MGST1: variants seen among roughly 807,000 people sequenced by gnomAD.
MGST1 encodes the protein microsomal glutathione S-transferase 1.
MGST1 carries 5 observed loss-of-function variants against 8.9 expected under a neutral mutation model. The observed-to-expected ratio is 0.56, with a 90% CI of 0.29 to 1.19. MGST1 has a LOEUF of 1.19. MGST1 is among the 50% of genes most tolerant of loss of function. MGST1 has a pLI of 0.08. For synonymous variants in MGST1, 54 were observed against 67.8 expected, an observed-to-expected ratio of 0.80 and a Z score of 1.00; for missense variants, 182 against 187.4, an observed-to-expected ratio of 0.97 and a Z score of 0.17.
At position 16,560,553 on chromosome 12, in the gene MGST1, A is replaced by ACT; in HGVS notation, n.483-28975_483-28974insCT. 2.1e-6 allele frequency: 3 copies of ACT among 1,414,568 alleles called. No homozygotes were observed. In the South Asian group the frequency reaches 3.9e-5, roughly 18 times the overall value. The allele number at this position is 1,414,568 out of a possible 1,614,324, so 87.6% of individuals were successfully genotyped here. ...CACCAAAGAGCCTAGAATAAGAAACATTTTTTTTTTTTTACAAACTCTTAC... is the reference window on the plus strand; with the variant it reads ...CACCAAAGAGCCTAGAATAAGAAACACTTTTTTTTTTTTTTACAAACTCTTAC... On this transcript the variant is annotated intron_variant and non_coding_transcript_variant, in intron 4 of 4. Coordinates refer to the MGST1 transcript ENST00000538857. The surrounding 1 kb of genome is among the most constrained non-coding windows in gnomAD (Gnocchi z 5.0).
rs1414300636 is a variant in MGST1 at position 16,544,817 on chromosome 12, A to G, written n.483-44711A>G. On this transcript the variant is annotated intron_variant and non_coding_transcript_variant, in intron 4 of 4. Coordinates refer to the MGST1 transcript ENST00000538857. This position sits in a 1 kb window ranked among gnomAD's most constrained non-coding sequence, Gnocchi z 4.8. ...ACTTGGAATTATGAAAGTTCCATTGATGTGATAGGGAGGATGACTATTAAA... is the reference window on the plus strand; with the variant it reads ...ACTTGGAATTATGAAAGTTCCATTGGTGTGATAGGGAGGATGACTATTAAA... Among the ~76,000 whole-genome samples, 2 of 152,044 alleles carry G rather than the reference A, an allele frequency of 1.3e-5. No individual in the cohort carries two copies. Among genetic ancestry groups the G allele is most frequent in the African/African-American group, 4.8e-5 (2 of 41,432 alleles).
chr12:16,523,354 G>GAC, intron 4 of MGST1, among the ~76,000 whole-genome samples: 1 of 152,080 alleles, frequency 6.6e-6, no homozygotes, highest in Non-Finnish European at 1.5e-5. Context: ...TAAAATTGGG[G>GAC]AGTTTAAAAG....
chr12:16,369,102 A>C (rs988658981), downstream of MGST1, among the ~76,000 whole-genome samples: 4 of 152,262 alleles, frequency 2.6e-5, no homozygotes, highest in African/African-American at 4.8e-5. This position sits in a 1 kb window ranked among gnomAD's most constrained non-coding sequence, Gnocchi z 4.8. Context: ...AAATAAAGAG[A>C]ATAGTGAAGG....
chr12:16,584,832 C>T lies in MGST1; in HGVS notation n.483-4696C>T, dbSNP rs533333497. Among the ~76,000 whole-genome samples, 55 of 152,274 alleles carry T rather than the reference C, an allele frequency of 3.6e-4. No homozygotes were observed. In the South Asian group the frequency reaches 0.011, roughly 31 times the overall value. On this transcript the variant is annotated intron_variant and non_coding_transcript_variant, in intron 4 of 4. Coordinates refer to the MGST1 transcript ENST00000538857. The surrounding 1 kb of genome is among the most constrained non-coding windows in gnomAD (Gnocchi z 5.2). ...CTGAAGCAGGAGTGTAACTGGTATA[C>T]ATTGGATGAAGGGCTCTGATCCTCT...
intron 4 of MGST1, among the ~76,000 whole-genome samples, chr12:16,459,044 C>T (rs889878814): frequency 1.3e-5 from 2 of 151,982 alleles, no homozygotes; most frequent in Non-Finnish European, 1.5e-5. Flanking sequence ...ATGCTTTAAA[C>T]GACAAAAGTC....
At chr12:16,556,992 C>T (rs998161287) in intron 4 of MGST1, among the ~76,000 whole-genome samples, 7 of 152,116 alleles carry the variant, frequency 4.6e-5, no homozygotes, top group Non-Finnish European at 5.9e-5. Flanking sequence ...AGAATGTGAA[C>T]AGTTTTAGAG....
Position 16,503,415 on chromosome 12 carries a change from G to C in MGST1, n.483-86113G>C, listed in dbSNP as rs1941518385. On this transcript the variant is annotated intron_variant and non_coding_transcript_variant, in intron 4 of 4. Coordinates refer to the MGST1 transcript ENST00000538857. This position sits in a 1 kb window ranked among gnomAD's most constrained non-coding sequence, Gnocchi z 4.8. The stretch of plus-strand genomic sequence containing the variant: ...CCCCAGGCTTGGGCAGAAGGTGGCA[G>C]AGGTGGTAATCAGTAAAAATCTAAT... 6.6e-6 allele frequency among the ~76,000 whole-genome samples: 1 copy of C among 152,160 alleles called. No homozygotes were observed. Among genetic ancestry groups the C allele is most frequent in the Non-Finnish European group, 1.5e-5 (1 of 68,038 alleles).
intron 4 of MGST1, among the ~76,000 whole-genome samples, chr12:16,480,522 T>C (rs2137144297): frequency 6.6e-6 from 1 of 152,224 alleles, no homozygotes; most frequent in East Asian, 1.9e-4. Context: ...ACATATCTGA[T>C]GAAGGAATTA....
chr12:16,501,791 A>G (rs1263546232), intron 4 of MGST1, among the ~76,000 whole-genome samples: 2 of 152,192 alleles, frequency 1.3e-5, no homozygotes, highest in African/African-American at 4.8e-5. Context: ...TTTTATCTCC[A>G]TAAGAGAATG....
In MGST1 at chr12:16,500,311, G is replaced by T. The variant is rs979754559; in HGVS notation, n.483-89217G>T. On this transcript the variant is annotated intron_variant and non_coding_transcript_variant, in intron 4 of 4. Transcript: ENST00000538857. The surrounding 1 kb of genome is among the most constrained non-coding windows in gnomAD (Gnocchi z 4.3). ...ATAGTTGGAAAATATAAAATATTTG[G>T]CTGAGATGCCTGACAGACAACAAAT... Among the ~76,000 whole-genome samples, 2 of 152,102 alleles carry T rather than the reference G, an allele frequency of 1.3e-5. No homozygotes were observed. Among genetic ancestry groups the T allele is most frequent in the African/African-American group, 4.8e-5 (2 of 41,428 alleles).
At chr12:16,384,229 C>T (rs572057204) in intron 1 of MGST1, among the ~76,000 whole-genome samples, 3 of 152,230 alleles carry the variant, frequency 2.0e-5, no homozygotes, top group African/African-American at 7.2e-5. Flanking sequence ...TAAATGTGCC[C>T]TCCTGCCCCC....
At chr12:16,415,961 C>A (rs1019483628) in intron 1 of MGST1, among the ~76,000 whole-genome samples, 1 of 152,204 alleles carries the variant, frequency 6.6e-6, no homozygotes, top group African/African-American at 2.4e-5. Context: ...AAGAAATAAT[C>A]TTTCATTTCA....
chr12:16,373,077 TA>T (rs1183844826), intron 3 of MGST1, among the ~76,000 whole-genome samples: 3 of 150,190 alleles, frequency 2.0e-5, no homozygotes, highest in Non-Finnish European at 3.0e-5. Flanking sequence ...TATTTGGCCA[TA>T]AAAAAAATTC....
intron 4 of MGST1, among the ~76,000 whole-genome samples, chr12:16,578,788 AG>A (rs765543168): frequency 2.6e-5 from 4 of 151,928 alleles, no homozygotes; most frequent in Non-Finnish European, 4.4e-5. Context: ...ACTGAACTCC[AG>A]CCTGGGAGAC....
chr12:16,431,781 T>G (rs1940941622), intron 1 of MGST1, among the ~76,000 whole-genome samples: 1 of 152,152 alleles, frequency 6.6e-6, no homozygotes, highest in African/African-American at 2.4e-5. Flanking sequence ...GTTGATAGAC[T>G]TTTTTGATGC....
intron 4 of MGST1, among the ~76,000 whole-genome samples, chr12:16,450,838 CCGTG>C (rs1451067303): frequency 1.3e-4 from 8 of 62,484 alleles, no homozygotes; most frequent in African/African-American, 3.9e-4. Flanking sequence ...TATATATATT[CCGTG>C]TGTGTGTGTG....
intron 4 of MGST1, among the ~76,000 whole-genome samples, chr12:16,473,331 A>G (rs980444580): frequency 6.6e-6 from 1 of 152,216 alleles, no homozygotes; most frequent in South Asian, 2.1e-4. Flanking sequence ...TGCACCAATG[A>G]AGAATTGTCT....
In MGST1 at chr12:16,357,693, T is replaced by C; in HGVS notation, c.215T>C (p.Val72Ala). Residue 72 changes from valine to alanine, a missense_variant, in exon 3 of 4, where the codon GTA becomes GCA. Val to Ala is a moderately conservative substitution (Grantham distance 64). Transcript: ENST00000396210. ...CGAACAGATGACAGAGTAGAACGTG[T>C]ACGCAGGTAAACCAGTGTCTCTTGA... ...YLRTDDRVER[V>A]RRAHLNDLEN... The C allele has an allele frequency of 1.9e-6, 3 of 1,612,058 alleles. No homozygotes were observed. The highest frequency in any genetic ancestry group is 2.5e-6 in the Non-Finnish European group (3 of 1,179,164).
At chr12:16,528,665 A>G (rs1307518322) in intron 4 of MGST1, among the ~76,000 whole-genome samples, 1 of 152,064 alleles carries the variant, frequency 6.6e-6, no homozygotes. Flanking sequence ...GGTGGAGAGT[A>G]TACAGTTTAG....
Sources: gnomAD v4.1 joint callset for allele counts (sites outside exome capture counted in the v4.1 genomes callset) on GRCh38, gnomAD v4.1.1 for gene constraint, Gnocchi (gnomAD v3.1) non-coding constraint, MANE v1.5 for transcripts, NCBI Gene and HGNC (gene_info 2026-07-23, HGNC 2026-07-21) for gene names.